CA8: variants seen among roughly 807,000 people sequenced by gnomAD.
CA8 encodes the protein carbonic anhydrase 8 (inactive), also known as carbonic anhydrase-related protein.
Under a neutral mutation model 41.4 loss-of-function variants are expected in CA8, and 22 were observed. The ratio of observed to expected loss-of-function variants is 0.53; its 90% CI spans 0.38 to 0.76. The LOEUF is 0.76. Among genes scored for constraint, CA8 ranks in the 30% least tolerant of loss-of-function variants. The pLI, the probability that CA8 is intolerant of heterozygous loss-of-function variation, is 0.00. For missense variants in CA8, 270 were observed against 352.8 expected (o/e 0.77, Z 1.88); for synonymous variants, 121 against 130.6 (o/e 0.93, Z 0.50).
chr8:60,255,719 T>C (rs76806986), intron 3 of CA8, among the ~76,000 whole-genome samples: 2,322 of 152,288 alleles, frequency 0.015, 50 homozygotes, highest in African/African-American at 0.051. Context: ...GGTTCTTCTA[T>C]TCATTTCAGG....
chr8:60,266,697 G>T (rs1803911479), intron 2 of CA8, among the ~76,000 whole-genome samples: 1 of 152,074 alleles, frequency 6.6e-6, no homozygotes, highest in Admixed American at 6.5e-5. Context: ...CTCATTGCTG[G>T]ATATGATCAA....
intron 2 of CA8, among the ~76,000 whole-genome samples, chr8:60,267,927 A>G (rs1188855126): frequency 6.6e-6 from 1 of 152,230 alleles, no homozygotes; most frequent in Non-Finnish European, 1.5e-5. Flanking sequence ...TGTGGATTTA[A>G]GAATGTATGA....
At chr8:60,200,073 G>C (rs1286285997) in intron 8 of CA8, among the ~76,000 whole-genome samples, 10 of 152,134 alleles carry the variant, frequency 6.6e-5, no homozygotes. Flanking sequence ...TGTGGGCAGA[G>C]GCCTAGTGAT....
intron 3 of CA8, 90 bp downstream of exon 3, chr8:60,265,835 C>T (rs1206508584): frequency 3.7e-6 from 5 of 1,357,874 alleles, no homozygotes; most frequent in Non-Finnish European, 5.2e-6. Context: ...AAGAGCTATG[C>T]ATCTACTTTT....
chr8:60,244,046 A>C (rs1808135270), intron 3 of CA8, among the ~76,000 whole-genome samples: 1 of 152,206 alleles, frequency 6.6e-6, no homozygotes, highest in Non-Finnish European at 1.5e-5. Flanking sequence ...AGCATTTAAC[A>C]GCTGAGTTCC....
chr8:60,252,324 T>C (rs1248352450), intron 3 of CA8, among the ~76,000 whole-genome samples: 2 of 152,228 alleles, frequency 1.3e-5, no homozygotes, highest in Non-Finnish European at 2.9e-5. Flanking sequence ...GAGGTTCTGC[T>C]GGTGTTGCCT....
intron 8 of CA8, among the ~76,000 whole-genome samples, chr8:60,203,234 AAAAC>A (rs1350400238): frequency 3.3e-5 from 5 of 152,178 alleles, no homozygotes; most frequent in African/African-American, 1.2e-4. Context: ...GCAGACAGCT[AAAAC>A]AAATTGTCAA....
At chr8:60,276,014 T>C (rs575119548) in intron 2 of CA8, among the ~76,000 whole-genome samples, 2 of 152,168 alleles carry the variant, frequency 1.3e-5, no homozygotes, top group Non-Finnish European at 2.9e-5. Flanking sequence ...GTGTGAAGTA[T>C]AATAAAGACA....
chr8:60,244,776 T>C (rs1377804993), intron 3 of CA8, among the ~76,000 whole-genome samples: 1 of 152,226 alleles, frequency 6.6e-6, no homozygotes, highest in Non-Finnish European at 1.5e-5. Flanking sequence ...CTATTTTAAT[T>C]CCCACTACAC....
intron 4 of CA8, among the ~76,000 whole-genome samples, chr8:60,228,776 A>G (rs1277780503): frequency 6.6e-6 from 1 of 152,232 alleles, no homozygotes; most frequent in Non-Finnish European, 1.5e-5. Flanking sequence ...AGCATCAAAT[A>G]TAGTTTTTCC....
chr8:60,248,098 T>G (rs6471853), intron 3 of CA8, among the ~76,000 whole-genome samples: 58,383 of 150,324 alleles, frequency 0.39, 11,567 homozygotes, highest in African/African-American at 0.48. Flanking sequence ...TTTTTGATGT[T>G]TTTTTTTTTT....
intron 4 of CA8, 102 bp downstream of exon 4, chr8:60,232,182 A>G: frequency 1.2e-6 from 1 of 844,358 alleles, no homozygotes. Context: ...CTATGTGTGT[A>G]ATTTCATCTC....
chr8:60,201,695 T>A (rs191254608), intron 8 of CA8, among the ~76,000 whole-genome samples: 1 of 152,290 alleles, frequency 6.6e-6, no homozygotes, highest in East Asian at 1.9e-4. Context: ...TTTCATAATT[T>A]CCAAATAATT....
At position 60,232,385 on chromosome 8, in the gene CA8, T is replaced by C; in HGVS notation, c.418-6A>G. On this transcript the variant is annotated splice_region_variant and splice_polypyrimidine_tract_variant and intron_variant, in intron 3 of 8. Transcript: ENST00000317995. ...TTCCAGTGGATCAGATGGAGCTGAG[T>C]GAGTGGCAACAGACAGACCACATCA... The C allele has an allele frequency of 6.3e-7, 1 of 1,597,726 alleles. No homozygotes were observed. The highest frequency in any genetic ancestry group is 8.6e-7 in the Non-Finnish European group (1 of 1,165,046).
intron 6 of CA8, among the ~76,000 whole-genome samples, chr8:60,223,315 G>C (rs1807313193): frequency 6.6e-6 from 1 of 152,000 alleles, no homozygotes; most frequent in Non-Finnish European, 1.5e-5. Flanking sequence ...TAAGAGACAG[G>C]GTCTGGCTCT....
intron 3 of CA8, among the ~76,000 whole-genome samples, chr8:60,257,438 A>T (rs550347034): frequency 5.3e-4 from 80 of 152,274 alleles, no homozygotes; most frequent in African/African-American, 1.9e-3. Flanking sequence ...CCTTTTTCAT[A>T]GATAAGTTTT....
At chr8:60,214,880 T>C (rs1179919409) in intron 7 of CA8, among the ~76,000 whole-genome samples, 2 of 152,192 alleles carry the variant, frequency 1.3e-5, no homozygotes, top group African/African-American at 2.4e-5. Flanking sequence ...AACACATTCA[T>C]ATTCCTTCAT....
rs541193933 is a variant in CA8, at chr8:60,220,517, C to T, written c.738+2132G>A. 7.2e-5 allele frequency among the ~76,000 whole-genome samples: 11 copies of T among 152,274 alleles called. No homozygotes were observed. In the East Asian group the frequency reaches 1.9e-3, roughly 27 times the overall value. ...TGCTTGGGTTGGCAGCACTCGTCCA[C>T]AGCACTTCTCAGTATTAACCCCCTC... On this transcript the variant is annotated intron_variant, in intron 7 of 8. Coordinates refer to ENST00000317995, the MANE Select transcript of CA8 (RefSeq NM_004056.6).
chr8:60,202,186 G>T (rs1011792198), intron 8 of CA8, among the ~76,000 whole-genome samples: 1 of 151,734 alleles, frequency 6.6e-6, no homozygotes, highest in South Asian at 2.1e-4. Flanking sequence ...TGGGACTACA[G>T]GCGCCTGCCA....
Sources: allele counts gnomAD v4.1 joint callset (sites outside exome capture counted in the v4.1 genomes callset), GRCh38; gene constraint gnomAD v4.1.1; transcripts MANE v1.5; gene names NCBI Gene and HGNC (gene_info 2026-07-23, HGNC 2026-07-21).